LINGO2: variants seen among roughly 807,000 people sequenced by gnomAD.
LINGO2 encodes leucine rich repeat and Ig domain containing 2, also known as leucine-rich repeat and immunoglobulin-like domain-containing nogo receptor-interacting protein 2.
LINGO2 carries 14 observed loss-of-function variants against 30.6 expected under a neutral mutation model. That is an observed-to-expected ratio of 0.46 (90% CI 0.30 to 0.72). The LOEUF (loss-of-function observed/expected upper bound fraction) is 0.72, where lower values mean the gene tolerates loss of function less well. LINGO2 is among the 30% of genes least tolerant of loss of function. The pLI is 0.07. For missense variants in LINGO2, 729 were observed against 751.7 expected (o/e 0.97, Z 0.35); for synonymous variants, 317 against 288.5 (o/e 1.10, Z -1.00).
At chr9:28,391,222 C>A (rs933449256) in intron 2 of LINGO2, among the ~76,000 whole-genome samples, 8 of 152,044 alleles carry the variant, frequency 5.3e-5, no homozygotes, top group African/African-American at 1.9e-4. Context: ...ATAATCAGCA[C>A]CACACTGATT....
the LINGO2 span, among the ~76,000 whole-genome samples, chr9:29,106,594 C>T: frequency 6.6e-6 from 1 of 152,112 alleles, no homozygotes; most frequent in Non-Finnish European, 1.5e-5. Context: ...AGATGTTAAA[C>T]ATGTATTTGC....
chr9:28,000,902 C>T (rs1821915753), intron 5 of LINGO2, among the ~76,000 whole-genome samples: 1 of 152,234 alleles, frequency 6.6e-6, no homozygotes, highest in South Asian at 2.1e-4. Flanking sequence ...CCTGCCTAGT[C>T]TCCTTATCCT....
intron 4 of LINGO2, among the ~76,000 whole-genome samples, chr9:28,053,199 C>T (rs865969234): frequency 5.0e-4 from 76 of 152,048 alleles, no homozygotes; most frequent in African/African-American, 1.5e-3. Flanking sequence ...CTATACAGGC[C>T]ATGTAGCATT....
At chr9:29,027,979 G>A in the LINGO2 span, among the ~76,000 whole-genome samples, 1 of 152,170 alleles carries the variant, frequency 6.6e-6, no homozygotes, top group Non-Finnish European at 1.5e-5. Flanking sequence ...TAAGCCAGTG[G>A]AAAGTAGGTG....
At chr9:27,995,455 T>A (rs1284848064) in intron 5 of LINGO2, among the ~76,000 whole-genome samples, 1 of 152,146 alleles carries the variant, frequency 6.6e-6, no homozygotes, top group East Asian at 1.9e-4. Flanking sequence ...CCAATATCCT[T>A]AATGAACACA....
intron 3 of LINGO2, among the ~76,000 whole-genome samples, chr9:28,349,699 A>C (rs1194851128): frequency 7.0e-6 from 1 of 142,784 alleles, no homozygotes; most frequent in African/African-American, 2.6e-5. Context: ...CATAATTGTC[A>C]GATTCACCAA....
At chr9:28,935,792 T>C in the LINGO2 span, among the ~76,000 whole-genome samples, 1 of 151,970 alleles carries the variant, frequency 6.6e-6, no homozygotes, top group Non-Finnish European at 1.5e-5. Context: ...TTCATTTTGA[T>C]AAAAATAAAA....
rs563424192 is a variant in LINGO2 at position 28,624,242 on chromosome 9, T to C, written c.-365+45958A>G. ...AACAGTAGTGAAATGGGTATCCTTGTTGTATTTCTGATCTTAGAGGAAAAG... is the reference window on the plus strand; with the variant it reads ...AACAGTAGTGAAATGGGTATCCTTGCTGTATTTCTGATCTTAGAGGAAAAG... On this transcript the variant is annotated intron_variant, in intron 1 of 5. Coordinates refer to ENST00000379992, the Ensembl canonical transcript of LINGO2. Among the ~76,000 whole-genome samples, 6 of 152,256 alleles carry C rather than the reference T, an allele frequency of 3.9e-5. No homozygotes were observed. In the East Asian group the frequency reaches 7.7e-4, roughly 20 times the overall value.
chr9:28,483,174 TTG>T (rs892808113), intron 1 of LINGO2, among the ~76,000 whole-genome samples: 5 of 152,092 alleles, frequency 3.3e-5, no homozygotes, highest in African/African-American at 1.2e-4. Context: ...AGCATTCAGA[TTG>T]TTTCTCCTTA....
chr9:28,788,166 C>T, the LINGO2 span, among the ~76,000 whole-genome samples: 1 of 152,150 alleles, frequency 6.6e-6, no homozygotes, highest in East Asian at 1.9e-4. Context: ...TTGAATTTTT[C>T]CATAATGCAA....
the LINGO2 span, among the ~76,000 whole-genome samples, chr9:29,032,127 A>G: frequency 6.6e-6 from 1 of 152,180 alleles, no homozygotes; most frequent in African/African-American, 2.4e-5. Flanking sequence ...AAATTTTTCT[A>G]AAGAAAAATG....
the LINGO2 span, among the ~76,000 whole-genome samples, chr9:28,769,506 ATATATATATATATTTTTTTTTTTTT>A: frequency 0.026 from 75 of 2,874 alleles, 16 homozygotes; most frequent in South Asian, 0.079. Context: ...ATATATATAT[ATATATATATATATTTTTTTTTTTTT>A]TTTTTTTTTT....
At chr9:28,424,697 C>A (rs1823333843) in intron 2 of LINGO2, among the ~76,000 whole-genome samples, 1 of 152,134 alleles carries the variant, frequency 6.6e-6, no homozygotes, top group South Asian at 2.1e-4. Flanking sequence ...TGTCCTATAA[C>A]TTGATCCAGT....
chr9:28,446,587 A>T (rs1824432781), intron 2 of LINGO2, among the ~76,000 whole-genome samples: 1 of 151,950 alleles, frequency 6.6e-6, no homozygotes, highest in Non-Finnish European at 1.5e-5. Context: ...ACCTCTTTTG[A>T]CTCTATTCAC....
chr9:27,953,861 A>T (rs1819434924), intron 5 of LINGO2, among the ~76,000 whole-genome samples: 6 of 152,206 alleles, frequency 3.9e-5, no homozygotes, highest in Non-Finnish European at 8.8e-5. Flanking sequence ...TCACATTTGT[A>T]TGAACATATT....
chr9:28,134,390 A>C (rs1181314110), intron 4 of LINGO2, among the ~76,000 whole-genome samples: 1 of 152,190 alleles, frequency 6.6e-6, no homozygotes, highest in Non-Finnish European at 1.5e-5. Context: ...ACAAAGAAAC[A>C]AACAAACATA....
At chr9:28,228,000 T>C (rs945869877) in intron 4 of LINGO2, among the ~76,000 whole-genome samples, 1 of 152,102 alleles carries the variant, frequency 6.6e-6, no homozygotes, top group Non-Finnish European at 1.5e-5. Flanking sequence ...TATAAATAAA[T>C]AGTCATTCAT....
intron 4 of LINGO2, among the ~76,000 whole-genome samples, chr9:28,074,608 A>G (rs770820418): frequency 4.6e-5 from 7 of 152,140 alleles, no homozygotes; most frequent in Non-Finnish European, 1.0e-4. Flanking sequence ...AAAATCTCAT[A>G]TAAGTTAGTT....
At chr9:28,604,447 CT>C (rs1464605342) in intron 1 of LINGO2, among the ~76,000 whole-genome samples, 1 of 151,954 alleles carries the variant, frequency 6.6e-6, no homozygotes, top group Non-Finnish European at 1.5e-5. Flanking sequence ...CAAAATGTCA[CT>C]TTATTTTAAA....
Sources: allele counts gnomAD v4.1 joint callset (sites outside exome capture counted in the v4.1 genomes callset), GRCh38; gene constraint gnomAD v4.1.1; transcripts MANE v1.5; gene names NCBI Gene and HGNC (gene_info 2026-07-23, HGNC 2026-07-21).